Variants in OR2M3 observed in about 807,000 individuals in gnomAD.
OR2M3 encodes the protein olfactory receptor family 2 subfamily M member 3.
Under a neutral mutation model 4.3 loss-of-function variants are expected in OR2M3, and 1 was observed. The observed-to-expected ratio is 0.23, with a 90% CI of 0.08 to 1.11. OR2M3 has a LOEUF of 1.11. Ranked by LOEUF, OR2M3 falls within the 50% of genes most tolerant of loss-of-function variation. The pLI is 0.54. For missense variants in OR2M3, 410 were observed against 390.4 expected (o/e 1.05, Z -0.42); for synonymous variants, 151 against 139.4 (o/e 1.08, Z -0.59).
Position 248,199,792 on chromosome 1 carries a change from C to T in OR2M3, c.-19+2491C>T, listed in dbSNP as rs116047225. 4.1e-3 allele frequency among the ~76,000 whole-genome samples: 624 copies of T among 152,122 alleles called. 4 individuals are homozygous for T. The highest frequency in any genetic ancestry group is 6.1e-3 in the Non-Finnish European group (415 of 67,980). On this transcript the variant is annotated intron_variant, in intron 1 of 1. Transcript: ENST00000641626. Reference sequence around the variant, plus strand: ...ATATACCTTGCCATATTCTCCGTGACAGGGCAAACTCAATGAAGACAATTT... The same window carrying T: ...ATATACCTTGCCATATTCTCCGTGATAGGGCAAACTCAATGAAGACAATTT...
chr1:248,203,259 C>T lies in OR2M3; in HGVS notation c.192C>T (p.Ser64=). Residue 64 remains serine (S), a synonymous_variant, in exon 2 of 2, where the codon AGC becomes AGT. Coordinates refer to ENST00000641626, the MANE Select transcript of OR2M3 (RefSeq NM_001004689.2). ...QLHTPMYLLL[S]QLSLMDLMLI... ...ACACCCCCATGTACCTCCTCCTCAG[C>T]CAACTGTCCCTCATGGACCTCATGC... The T allele has an allele frequency of 1.9e-6, 3 of 1,614,076 alleles. No individual in the cohort carries two copies. Among genetic ancestry groups the T allele is most frequent in the South Asian group, 1.1e-5 (1 of 91,076 alleles).
Position 248,203,361 on chromosome 1 carries a change from C to A in OR2M3, c.294C>A (p.Ala98=). The A allele has an allele frequency of 6.2e-7, 1 of 1,614,114 alleles. No individual in the cohort carries two copies. The highest frequency in any genetic ancestry group is 1.3e-5 in the African/African-American group (1 of 75,022). ...GSKSISMAGC[A]TQIFFYTSLL... is the part of the protein sequence containing the mutation. The stretch of plus-strand genomic sequence containing the variant: ...AGTCCATTTCTATGGCTGGTTGTGC[C>A]ACACAAATTTTCTTCTATACATCAC... Residue 98 remains alanine, a synonymous_variant, in exon 2 of 2, where the codon GCC becomes GCA. Transcript: ENST00000641626.
In OR2M3 at chr1:248,210,947, T is replaced by C. The variant is rs1350734629; in HGVS notation, c.*6941T>C. 6.6e-6 allele frequency: 1 copy of C among 152,234 alleles called. No individual in the cohort carries two copies. The highest frequency in any genetic ancestry group is 6.5e-5 in the Admixed American group (1 of 15,280). 9.4% of individuals were successfully genotyped at this position (152,234 alleles called of 1,614,324 possible). On this transcript the variant is annotated 3_prime_UTR_variant, in exon 2 of 2. Coordinates refer to ENST00000641626, the MANE Select transcript of OR2M3 (RefSeq NM_001004689.2). ...ACTTGAGACACTCTGTCCATCTGAG[T>C]GGGAGCTGCAAGCTAGTCCTGCCTC...
At chr1:248,198,166 TA>T (rs1482547349) in intron 1 of OR2M3, among the ~76,000 whole-genome samples, 6 of 152,180 alleles carry the variant, frequency 3.9e-5, no homozygotes, top group Non-Finnish European at 7.4e-5. Flanking sequence ...TGCTTTAAAA[TA>T]TTACCAGTGC....
At chr1:248,201,244 CATT>C (rs1666153479) in intron 1 of OR2M3, among the ~76,000 whole-genome samples, 1 of 151,700 alleles carries the variant, frequency 6.6e-6, no homozygotes, top group South Asian at 2.1e-4. Flanking sequence ...TCTATTTATG[CATT>C]TCAGTTTGTG....
intron 1 of OR2M3, among the ~76,000 whole-genome samples, chr1:248,198,360 G>T (rs1558251488): frequency 6.6e-6 from 1 of 152,098 alleles, no homozygotes; most frequent in Non-Finnish European, 1.5e-5. Flanking sequence ...TTCTATTTGT[G>T]AGACTCATCA....
At position 248,203,373 on chromosome 1, in the gene OR2M3, C is replaced by G. The variant is rs762466692; in HGVS notation, c.306C>G (p.Phe102Leu). 1 of 1,614,102 alleles carries G rather than the reference C, an allele frequency of 6.2e-7. No homozygotes were observed. The highest frequency in any genetic ancestry group is 8.5e-7 in the Non-Finnish European group (1 of 1,180,012). ...TGGCTGGTTGTGCCACACAAATTTTCTTCTATACATCACTGCTTGGCTCTG... is the reference window on the plus strand; with the variant it reads ...TGGCTGGTTGTGCCACACAAATTTTGTTCTATACATCACTGCTTGGCTCTG... The part of the protein sequence containing the change: ...ISMAGCATQI[F>L]FYTSLLGSEC... Residue 102 changes from phenylalanine to leucine, a missense_variant, in exon 2 of 2, where the codon TTC (phenylalanine) becomes TTG (leucine). Coordinates refer to ENST00000641626, the MANE Select transcript of OR2M3 (RefSeq NM_001004689.2).
In OR2M3 at chr1:248,208,820, G is replaced by A. The variant is rs1305228051; in HGVS notation, c.*4814G>A. ...TATGTACCTAGGGAATGATCTTTTT[G>A]TCATGAATTTCCCAGGTGTTCTTTG... On this transcript the variant is annotated 3_prime_UTR_variant, in exon 2 of 2. Coordinates refer to ENST00000641626, the MANE Select transcript of OR2M3 (RefSeq NM_001004689.2). The A allele has an allele frequency of 6.6e-6, 1 of 152,004 alleles. No individual in the cohort carries two copies. The highest frequency in any genetic ancestry group is 1.5e-5 in the Non-Finnish European group (1 of 67,990). The allele number at this position is 152,004 out of a possible 1,614,324, so 9.4% of individuals were successfully genotyped here. A position where few individuals can be genotyped will look rare whatever the true frequency, so the allele number is the denominator to read the frequency against.
In OR2M3 at chr1:248,205,014, C is replaced by T. The variant is rs1191090921; in HGVS notation, c.*1008C>T. The stretch of plus-strand genomic sequence containing the variant: ...GGTATTGCATTGTGGTTTTGATTTG[C>T]ATTTCCCTGATAATTAGTGATGTCA... On this transcript the variant is annotated 3_prime_UTR_variant, in exon 2 of 2. Transcript: ENST00000641626. The T allele has an allele frequency of 6.6e-6, 1 of 152,046 alleles. No homozygotes were observed. Among genetic ancestry groups the T allele is most frequent in the Non-Finnish European group, 1.5e-5 (1 of 67,990 alleles). The allele number at this position is 152,046 out of a possible 1,614,324, so 9.4% of individuals were successfully genotyped here.
rs1336613818 is a variant in OR2M3 at position 248,206,274 on chromosome 1, T to C, written c.*2268T>C. On this transcript the variant is annotated 3_prime_UTR_variant, in exon 2 of 2. Coordinates refer to ENST00000641626, the MANE Select transcript of OR2M3 (RefSeq NM_001004689.2). ...CGACAGTTTTCCTTTCTCTTTACCA[T>C]TTTGGATGTCCTTTATTTCTTTCTC... The C allele has an allele frequency of 6.6e-6, 1 of 152,016 alleles. No homozygotes were observed. Among genetic ancestry groups the C allele is most frequent in the African/African-American group, 2.4e-5 (1 of 41,410 alleles). 9.4% of individuals were successfully genotyped at this position (152,016 alleles called of 1,614,324 possible). A position where few individuals can be genotyped will look rare whatever the true frequency, so the allele number is the denominator to read the frequency against.
chr1:248,202,390 T>G (rs1666167694), intron 1 of OR2M3, among the ~76,000 whole-genome samples: 1 of 152,160 alleles, frequency 6.6e-6, no homozygotes, highest in Non-Finnish European at 1.5e-5. Flanking sequence ...CTAGTTACAC[T>G]CTTTATGTAT....
rs1249380272 is a variant in OR2M3, at chr1:248,206,698, A to G, written c.*2692A>G. ...GATTAGCTTTTCGATATGCTGTGGG[A>G]TTCAGTTCTCTAGTATTATGTTGAG... On this transcript the variant is annotated 3_prime_UTR_variant, in exon 2 of 2. Transcript: ENST00000641626. The G allele has an allele frequency of 6.6e-6, 1 of 151,910 alleles. No homozygotes were observed. The highest frequency in any genetic ancestry group is 1.5e-5 in the Non-Finnish European group (1 of 67,940). The allele number at this position is 151,910 out of a possible 1,614,324, so 9.4% of individuals were successfully genotyped here. A position where few individuals can be genotyped will look rare whatever the true frequency, so the allele number is the denominator to read the frequency against.
intron 1 of OR2M3, 147 bp downstream of exon 1, chr1:248,197,448 C>T (rs1244702954): frequency 6.6e-6 from 1 of 152,124 alleles, no homozygotes; most frequent in Non-Finnish European, 1.5e-5. Flanking sequence ...TCTATTTTAT[C>T]TGTACAATAT....
At chr1:248,199,330 A>C (rs1259579884) in intron 1 of OR2M3, among the ~76,000 whole-genome samples, 1 of 152,140 alleles carries the variant, frequency 6.6e-6, no homozygotes, top group Non-Finnish European at 1.5e-5. Context: ...TTTCTGAAAA[A>C]GCTGCCTTTT....
chr1:248,203,662 C>A lies in OR2M3; in HGVS notation c.595C>A (p.Leu199Ile), dbSNP rs1386966594. 4 of 1,613,668 alleles carry A rather than the reference C, an allele frequency of 2.5e-6. No homozygotes were observed. Among genetic ancestry groups the A allele is most frequent in the South Asian group, 1.1e-5 (1 of 91,074 alleles). ...CSDTSIFEKILFICCIVMIVF... is the reference protein window; with the variant it reads ...CSDTSIFEKIIFICCIVMIVF... The stretch of plus-strand genomic sequence containing the variant: ...TGACACATCAATATTTGAAAAGATT[C>A]TTTTCATCTGCTGTATAGTAATGAT... Residue 199 changes from leucine (L) to isoleucine (I), a missense_variant, in exon 2 of 2, where the codon CTT becomes ATT. Transcript: ENST00000641626.
chr1:248,200,597 T>C (rs1666145179), intron 1 of OR2M3, among the ~76,000 whole-genome samples: 1 of 152,142 alleles, frequency 6.6e-6, no homozygotes, highest in African/African-American at 2.4e-5. Flanking sequence ...TCTCTCTTTA[T>C]ACTGATTGAC....
rs199968773 is a variant in OR2M3 at position 248,203,945 on chromosome 1, G to T, written c.878G>T (p.Arg293Leu). 3 of 1,613,612 alleles carry T rather than the reference G, an allele frequency of 1.9e-6. No homozygotes were observed. The African/African-American group carries it at 4.0e-5, about 22-fold the overall frequency. ...TTGAATCCCCTCATCTACAGCCTCC[G>T]CAACAAGGAGGTGACCAGAGCATTC... ...PMLNPLIYSL[R>L]NKEVTRAFMK... Residue 293 changes from arginine to leucine, a missense_variant, in exon 2 of 2, where the codon CGC (arginine) becomes CTC (leucine). Coordinates refer to ENST00000641626, the MANE Select transcript of OR2M3 (RefSeq NM_001004689.2).
rs1666253689 is a variant in OR2M3 at position 248,209,173 on chromosome 1, G to A, written c.*5167G>A. On this transcript the variant is annotated 3_prime_UTR_variant, in exon 2 of 2. Transcript: ENST00000641626. ...TGTCCTTGATTTTTAGAAGTTGTGA[G>A]TGTTTTTATTTATGCTGTTTATTTC... 6.6e-6 allele frequency: 1 copy of A among 152,156 alleles called. No individual in the cohort carries two copies. Among genetic ancestry groups the A allele is most frequent in the Non-Finnish European group, 1.5e-5 (1 of 67,990 alleles). 9.4% of individuals were successfully genotyped at this position (152,156 alleles called of 1,614,324 possible).
In OR2M3 at chr1:248,203,477, G is replaced by A; in HGVS notation, c.410G>A (p.Ser137Asn). ...CCTCTAAGATACACCAATCTCATGA[G>A]CCCTAAAATTTGTGGACTTATGACT... Reference protein sequence around the residue: ...CHPLRYTNLMSPKICGLMTAF... With the variant: ...CHPLRYTNLMNPKICGLMTAF... The change falls in exon 2 of 2, where the codon AGC becomes AAC. Residue 137 changes from serine (S) to asparagine (N), a missense_variant. Physicochemically the swap from Ser to Asn is conservative, Grantham distance 46. Transcript: ENST00000641626. The A allele has an allele frequency of 1.2e-6, 2 of 1,613,758 alleles. No homozygotes were observed. Among genetic ancestry groups the A allele is most frequent in the Non-Finnish European group, 1.7e-6 (2 of 1,179,848 alleles).
Sources: gnomAD v4.1 joint callset for allele counts (sites outside exome capture counted in the v4.1 genomes callset) on GRCh38, gnomAD v4.1.1 for gene constraint, MANE v1.5 for transcripts, NCBI Gene and HGNC (gene_info 2026-07-23, HGNC 2026-07-21) for gene names.